The following RALGAPA2 variants were observed in gnomAD, a reference collection of about 807,000 sequenced individuals.
RALGAPA2 encodes ral GTPase-activating protein subunit alpha-2.
A neutral mutation model predicts 230.4 loss-of-function variants in RALGAPA2; 139 were observed. The observed-to-expected ratio is 0.60, with a 90% CI of 0.53 to 0.69. RALGAPA2 has a LOEUF of 0.69. RALGAPA2 is among the 30% of genes least tolerant of loss of function. The pLI is 0.00. For missense variants in RALGAPA2, 2,163 were observed against 2,276.0 expected, an observed-to-expected ratio of 0.95 and a Z score of 1.01; for synonymous variants, 847 against 837.8, an observed-to-expected ratio of 1.01 and a Z score of -0.19.
At chr20:20,628,157 C>T (rs1466801889) in intron 10 of RALGAPA2, among the ~76,000 whole-genome samples, 3 of 152,182 alleles carry the variant, frequency 2.0e-5, no homozygotes, top group Admixed American at 1.3e-4. Flanking sequence ...AAAATCTCTA[C>T]ACTGCTATAG....
intron 9 of RALGAPA2, among the ~76,000 whole-genome samples, chr20:20,630,646 T>C (rs1206826057): frequency 6.6e-6 from 1 of 152,212 alleles, no homozygotes; most frequent in African/African-American, 2.4e-5. Context: ...AATAAAACTT[T>C]ATTCATTTTA....
intron 33 of RALGAPA2, among the ~76,000 whole-genome samples, chr20:20,511,032 T>C (rs903282602): frequency 6.6e-6 from 1 of 152,162 alleles, no homozygotes; most frequent in Non-Finnish European, 1.5e-5. Context: ...AAGTACAGAT[T>C]AGGTGGGAGT....
chr20:20,635,251 C>A, intron 9 of RALGAPA2, 167 bp downstream of exon 9: 1 of 699,322 alleles, frequency 1.4e-6, no homozygotes, highest in Non-Finnish European at 2.4e-6. Flanking sequence ...AAACTCACAA[C>A]TCCCTCTGAA....
chr20:20,513,315 T>A, intron 31 of RALGAPA2, 31 bp from the exon 32 acceptor site: 1 of 1,387,694 alleles, frequency 7.2e-7, no homozygotes, highest in Non-Finnish European at 9.4e-7. Context: ...ACATAAAGAG[T>A]CAGTGGTGAA....
chr20:20,640,188 C>G (rs1430941128), intron 6 of RALGAPA2, among the ~76,000 whole-genome samples: 1 of 152,148 alleles, frequency 6.6e-6, no homozygotes, highest in East Asian at 1.9e-4. Context: ...AGTAATAAAT[C>G]AATGGTCCTA....
At chr20:20,433,819 A>C (rs1420859357) in intron 37 of RALGAPA2, among the ~76,000 whole-genome samples, 1 of 152,246 alleles carries the variant, frequency 6.6e-6, no homozygotes, top group Non-Finnish European at 1.5e-5. Flanking sequence ...CACACAACAG[A>C]CAAGTGCTAA....
intron 37 of RALGAPA2, among the ~76,000 whole-genome samples, chr20:20,459,085 G>A (rs1034968797): frequency 2.5e-4 from 38 of 151,468 alleles, no homozygotes; most frequent in Middle Eastern, 3.2e-3. Context: ...TTTTGTTTCC[G>A]GCTATGAAAC....
Position 20,512,521 on chromosome 20 carries a change from C to T in RALGAPA2, c.4848G>A (p.Trp1616Ter). The T allele has an allele frequency of 6.3e-7, 1 of 1,599,224 alleles. No individual in the cohort carries two copies. Residue 1616 changes from tryptophan to a stop codon, truncating the protein, a stop_gained, in exon 32 of 40, where the codon TGG becomes TGA. Coordinates refer to ENST00000202677, the MANE Select transcript of RALGAPA2 (RefSeq NM_020343.4). LOFTEE classifies it high-confidence loss of function. ...LLLDDLGMNS[W>*]DRRKNFHLLK... is the part of the protein sequence containing the mutation. ...CTAGCTTGGATTGTTACCTTCTGTC[C>T]CAAGAATTCATTCCCAAGTCATCAA... is the stretch of plus-strand genomic sequence containing the variant.
rs2060454818 is a variant in RALGAPA2 at position 20,429,341 on chromosome 20, T to C, written c.5496-17193A>G. Among the ~76,000 whole-genome samples, 3 of 152,268 alleles carry C rather than the reference T, an allele frequency of 2.0e-5. No homozygotes were observed. The South Asian group carries it at 6.2e-4, about 31-fold the overall frequency. ...TGCTAAATTAATCCACAAACATTGT[T>C]GTTTGGTGCTAACAGGAAGAATAAG... On this transcript the variant is annotated intron_variant, in intron 37 of 39. Transcript: ENST00000202677.
intron 1 of RALGAPA2, among the ~76,000 whole-genome samples, chr20:20,699,215 C>T (rs6137107): frequency 0.016 from 2,491 of 152,174 alleles, 95 homozygotes; most frequent in East Asian, 0.15. Context: ...CTTTTTACTT[C>T]AAAGGTGATG....
intron 37 of RALGAPA2, among the ~76,000 whole-genome samples, chr20:20,468,178 G>C (rs1049612353): frequency 1.3e-5 from 2 of 152,346 alleles, no homozygotes; most frequent in East Asian, 3.9e-4. Flanking sequence ...TCTCAGAAGA[G>C]AGATGAGATT....
intron 4 of RALGAPA2, among the ~76,000 whole-genome samples, chr20:20,646,819 C>T (rs770632292): frequency 2.6e-5 from 4 of 151,968 alleles, no homozygotes; most frequent in African/African-American, 9.7e-5. Context: ...TTTTTAATTA[C>T]TAATGTTCCG....
At chr20:20,394,743 T>C (rs1415954467) in intron 39 of RALGAPA2, among the ~76,000 whole-genome samples, 1 of 152,046 alleles carries the variant, frequency 6.6e-6, no homozygotes, top group Non-Finnish European at 1.5e-5. Flanking sequence ...TTACAAGGCA[T>C]CTCTCCATCC....
intron 16 of RALGAPA2, among the ~76,000 whole-genome samples, chr20:20,597,004 T>C (rs558439143): frequency 6.6e-6 from 1 of 152,330 alleles, no homozygotes; most frequent in East Asian, 1.9e-4. Flanking sequence ...TGGAACTGTA[T>C]ACGTATATAC....
intron 36 of RALGAPA2, among the ~76,000 whole-genome samples, chr20:20,474,014 T>G (rs2061596276): frequency 6.6e-6 from 1 of 152,178 alleles, no homozygotes; most frequent in Non-Finnish European, 1.5e-5. Context: ...GAATAAACAG[T>G]ATAAACATAT....
intron 3 of RALGAPA2, among the ~76,000 whole-genome samples, chr20:20,658,662 C>A (rs1291622789): frequency 4.6e-5 from 7 of 152,174 alleles, no homozygotes; most frequent in African/African-American, 1.4e-4. Context: ...TACTACTGAT[C>A]AGCACATCAG....
chr20:20,448,389 T>G (rs1052583159), intron 37 of RALGAPA2, among the ~76,000 whole-genome samples: 6 of 152,226 alleles, frequency 3.9e-5, no homozygotes, highest in African/African-American at 1.4e-4. Flanking sequence ...TCTTAGTTAA[T>G]AGATGTGTTA....
chr20:20,488,504 C>T (rs2061970590), intron 36 of RALGAPA2, among the ~76,000 whole-genome samples: 2 of 152,170 alleles, frequency 1.3e-5, no homozygotes, highest in Admixed American at 6.5e-5. Flanking sequence ...ATCTGCCTGT[C>T]TATCTCTCTA....
intron 32 of RALGAPA2, 56 bp from the exon 33 acceptor site, chr20:20,511,381 CT>C: frequency 6.6e-7 from 1 of 1,512,106 alleles, no homozygotes; most frequent in South Asian, 1.3e-5. Flanking sequence ...CATTTTGCCG[CT>C]TTTCAATCAG....
Sources: gnomAD v4.1 joint callset for allele counts (sites outside exome capture counted in the v4.1 genomes callset) on GRCh38, gnomAD v4.1.1 for gene constraint, MANE v1.5 for transcripts, NCBI Gene and HGNC (gene_info 2026-07-23, HGNC 2026-07-21) for gene names.